Variants in ABCC4 observed in about 807,000 individuals in gnomAD.
ABCC4 encodes the protein ATP binding cassette subfamily C member 4 (PEL blood group), also known as ATP-binding cassette sub-family C member 4.
ABCC4 carries 102 observed loss-of-function variants against 168.5 expected under a neutral mutation model. The observed-to-expected ratio is 0.61, with a 90% CI of 0.52 to 0.71. The LOEUF (loss-of-function observed/expected upper bound fraction) is 0.71. ABCC4 is among the 30% of genes least tolerant of loss of function. The pLI is 0.00. For missense variants in ABCC4, 1,402 were observed against 1,605.8 expected, an observed-to-expected ratio of 0.87 and a Z score of 2.17; for synonymous variants, 617 against 590.7, an observed-to-expected ratio of 1.04 and a Z score of -0.65.
intron 21 of ABCC4, among the ~76,000 whole-genome samples, chr13:95,082,200 CTTCT>C (rs2034120022): frequency 6.6e-6 from 1 of 152,084 alleles, no homozygotes; most frequent in African/African-American, 2.4e-5. Context: ...AAATATCTTC[CTTCT>C]TTATTTTTTG....
At position 95,064,532 on chromosome 13, in the gene ABCC4, TGG is replaced by T. The variant is rs5805901; in HGVS notation, c.3211-1675_3211-1674del. On this transcript the variant is annotated intron_variant, in intron 25 of 30. Coordinates refer to ENST00000645237, the MANE Select transcript of ABCC4 (RefSeq NM_005845.5). ...GTGTGTATGTGTGTGTGTGTGTGTG[TGG>T]GGCTTATGTGTGTTTCTCAGTAAAT... 3.5e-5 allele frequency among the ~76,000 whole-genome samples: 5 copies of T among 141,856 alleles called. No individual in the cohort carries two copies. The Middle Eastern group carries it at 0.012, about 332-fold the overall frequency. 93.1% of individuals were successfully genotyped at this position (141,856 alleles called of 152,430 possible).
intron 11 of ABCC4, among the ~76,000 whole-genome samples, chr13:95,183,422 T>C (rs962025108): frequency 6.6e-6 from 1 of 152,102 alleles, no homozygotes; most frequent in Admixed American, 6.5e-5. Context: ...CATTGACACG[T>C]GGATTTGAAA....
At chr13:95,291,924 C>A (rs1308683044) in intron 1 of ABCC4, among the ~76,000 whole-genome samples, 1 of 151,138 alleles carries the variant, frequency 6.6e-6, no homozygotes, top group East Asian at 1.9e-4. Flanking sequence ...CCAGCCTGGG[C>A]AACACAGTGA....
chr13:95,208,074 GAA>G, intron 6 of ABCC4, 149 bp from the exon 7 acceptor site: 1 of 798,370 alleles, frequency 1.3e-6, no homozygotes, highest in Admixed American at 2.9e-5. Flanking sequence ...AATACAAATA[GAA>G]AAAGACTTCG....
Position 95,236,602 on chromosome 13 carries a change from GCACA to G in ABCC4, c.307-1772_307-1769del, listed in dbSNP as rs1555335144. ...TCGGCATGTGAACGCGCGCGTGCGCGCACACACACACACACACACTCTCTCTCAC... is the reference window on the plus strand; with the variant it reads ...TCGGCATGTGAACGCGCGCGTGCGCGCACACACACACACACTCTCTCTCAC... On this transcript the variant is annotated intron_variant, in intron 3 of 30. Coordinates refer to ENST00000645237, the MANE Select transcript of ABCC4 (RefSeq NM_005845.5). Among the ~76,000 whole-genome samples, 670 of 76,614 alleles carry G rather than the reference GCACA, an allele frequency of 8.7e-3. 7 individuals carry two copies. Among genetic ancestry groups the G allele is most frequent in the African/African-American group, 8.5e-3 (238 of 27,890 alleles). 50.3% of individuals were successfully genotyped at this position (76,614 alleles called of 152,430 possible). A position where few individuals can be genotyped will look rare whatever the true frequency, so the allele number is the denominator to read the frequency against.
intron 11 of ABCC4, among the ~76,000 whole-genome samples, chr13:95,183,273 G>A (rs892226793): frequency 6.6e-6 from 1 of 152,016 alleles, no homozygotes; most frequent in Admixed American, 6.6e-5. Context: ...CATTTAATAA[G>A]AAATGAAACA....
Position 95,272,084 on chromosome 13 carries a change from G to A in ABCC4, c.75-24331C>T, listed in dbSNP as rs1017073961. The stretch of plus-strand genomic sequence containing the variant: ...TTTGAGACGAACTTTCGCTCTTGTT[G>A]CCCAGGCTGGGGTGCAATGGCACGA... On this transcript the variant is annotated intron_variant, in intron 1 of 30. Coordinates refer to ENST00000645237, the MANE Select transcript of ABCC4 (RefSeq NM_005845.5). 1.2e-4 allele frequency among the ~76,000 whole-genome samples: 18 copies of A among 148,482 alleles called. No homozygotes were observed. In the East Asian group the frequency reaches 3.3e-3, roughly 28 times the overall value.
At chr13:95,240,670 T>C (rs542320473) in intron 3 of ABCC4, among the ~76,000 whole-genome samples, 1 of 152,214 alleles carries the variant, frequency 6.6e-6, no homozygotes, top group African/African-American at 2.4e-5. Context: ...CTTAGTATTC[T>C]ATTATATTTT....
At chr13:95,096,412 A>G (rs1414509433) in intron 20 of ABCC4, among the ~76,000 whole-genome samples, 3 of 152,180 alleles carry the variant, frequency 2.0e-5, no homozygotes, top group Admixed American at 1.3e-4. Context: ...AGAAAAGAAA[A>G]GTGTATCAAA....
chr13:95,191,901 G>C (rs932183128), intron 9 of ABCC4, among the ~76,000 whole-genome samples: 3 of 152,340 alleles, frequency 2.0e-5, no homozygotes, highest in African/African-American at 7.2e-5. Context: ...CCGCCGGGAG[G>C]CCTGGGACCC....
At chr13:95,059,033 T>C (rs1312969118) in intron 26 of ABCC4, among the ~76,000 whole-genome samples, 1 of 152,116 alleles carries the variant, frequency 6.6e-6, no homozygotes, top group Non-Finnish European at 1.5e-5. Context: ...AAGCATGGAG[T>C]AATATCGTGT....
intron 21 of ABCC4, 21 bp from the exon 22 acceptor site, chr13:95,075,572 A>G (rs1304200608): frequency 6.2e-6 from 10 of 1,613,682 alleles, no homozygotes; most frequent in Non-Finnish European, 8.5e-6. Context: ...AGACAGAGAA[A>G]ACAGCTCAGT....
chr13:95,247,807 T>A, intron 1 of ABCC4, 54 bp from the exon 2 acceptor site: 1 of 1,425,878 alleles, frequency 7.0e-7, no homozygotes, highest in Non-Finnish European at 9.9e-7. Flanking sequence ...CGTGTTTAAG[T>A]AGACTCCTAC....
intron 25 of ABCC4, among the ~76,000 whole-genome samples, chr13:95,070,939 C>T (rs1241719158): frequency 6.6e-6 from 1 of 152,188 alleles, no homozygotes; most frequent in Non-Finnish European, 1.5e-5. Flanking sequence ...CAAATCTCAT[C>T]TTAAATTCCC....
At chr13:95,272,548 G>A (rs933959945) in intron 1 of ABCC4, among the ~76,000 whole-genome samples, 1 of 152,092 alleles carries the variant, frequency 6.6e-6, no homozygotes, top group African/African-American at 2.4e-5. Flanking sequence ...TTAATTCAGT[G>A]GATTATAAAC....
At chr13:95,117,941 A>T (rs961842881) in intron 19 of ABCC4, among the ~76,000 whole-genome samples, 1 of 152,134 alleles carries the variant, frequency 6.6e-6, no homozygotes, top group African/African-American at 2.4e-5. Context: ...AAAAAAAGAT[A>T]AAAAGGCTAC....
chr13:95,247,373 T>C (rs1251775738), intron 2 of ABCC4, among the ~76,000 whole-genome samples: 1 of 152,104 alleles, frequency 6.6e-6, no homozygotes, highest in Non-Finnish European at 1.5e-5. Context: ...GACAACCTCC[T>C]CCAACCACAA....
chr13:95,217,893 C>T (rs1359209302), intron 4 of ABCC4, among the ~76,000 whole-genome samples: 1 of 152,096 alleles, frequency 6.6e-6, no homozygotes, highest in Non-Finnish European at 1.5e-5. Flanking sequence ...TTTTCGGATT[C>T]GGGTACTTCC....
At chr13:95,118,622 T>C (rs1460230323) in intron 19 of ABCC4, among the ~76,000 whole-genome samples, 1 of 152,184 alleles carries the variant, frequency 6.6e-6, no homozygotes, top group Admixed American at 6.5e-5. Flanking sequence ...ACAGTCATTT[T>C]CCCAGAGGTC....
Sources: allele counts gnomAD v4.1 joint callset (sites outside exome capture counted in the v4.1 genomes callset), GRCh38; gene constraint gnomAD v4.1.1; transcripts MANE v1.5; gene names NCBI Gene and HGNC (gene_info 2026-07-23, HGNC 2026-07-21).